LIMD1: variants seen among roughly 807,000 people sequenced by gnomAD.
LIMD1 encodes the protein LIM domain containing 1.
Under a neutral mutation model 58.4 loss-of-function variants are expected in LIMD1, and 23 were observed. The observed-to-expected ratio is 0.39, with a 90% CI of 0.28 to 0.56. The LOEUF is 0.56. LIMD1 is among the 20% of genes least tolerant of loss of function. The pLI, the probability that LIMD1 is intolerant of heterozygous loss-of-function variation, is 0.57. For synonymous variants in LIMD1, 334 were observed against 345.5 expected (o/e 0.97, Z 0.37); for missense variants, 838 against 855.5 (o/e 0.98, Z 0.25).
At chr3:45,599,330 C>CT (rs1451774125) in intron 1 of LIMD1, among the ~76,000 whole-genome samples, 2 of 19,464 alleles carry the variant, frequency 1.0e-4, no homozygotes, top group Non-Finnish European at 7.7e-3. Flanking sequence ...CTCCCTGTTT[C>CT]CCCCATCCCC....
At chr3:45,659,446 G>A (rs1697396336) in intron 2 of LIMD1, among the ~76,000 whole-genome samples, 1 of 152,136 alleles carries the variant, frequency 6.6e-6, no homozygotes, top group African/African-American at 2.4e-5. Flanking sequence ...AAATTAGGCA[G>A]TTGTGGTGGT....
intron 2 of LIMD1, among the ~76,000 whole-genome samples, chr3:45,640,697 T>A (rs1249466689): frequency 6.6e-6 from 1 of 152,234 alleles, no homozygotes; most frequent in Non-Finnish European, 1.5e-5. Flanking sequence ...TCCAAAGTGC[T>A]GAAATTACAA....
chr3:45,601,739 G>C (rs981889974), intron 1 of LIMD1, among the ~76,000 whole-genome samples: 1 of 152,288 alleles, frequency 6.6e-6, no homozygotes, highest in South Asian at 2.1e-4. Flanking sequence ...AAGACCATAT[G>C]GGTACAAGTA....
chr3:45,608,358 T>A (rs1203484896), intron 1 of LIMD1, among the ~76,000 whole-genome samples: 1 of 152,186 alleles, frequency 6.6e-6, no homozygotes. Context: ...GAGAACTTGC[T>A]TCGGACACCT....
intron 2 of LIMD1, among the ~76,000 whole-genome samples, chr3:45,639,613 A>G (rs921493340): frequency 1.3e-5 from 2 of 152,092 alleles, no homozygotes; most frequent in Non-Finnish European, 2.9e-5. Flanking sequence ...CCTCATGAGA[A>G]TCACCTCCCA....
chr3:45,672,943 G>A, intron 5 of LIMD1, 123 bp downstream of exon 5: 1 of 1,204,136 alleles, frequency 8.3e-7, no homozygotes, highest in East Asian at 2.4e-5. Flanking sequence ...TCCAGCAAAG[G>A]CTTAATGGTT....
chr3:45,660,658 C>G (rs145878654), intron 2 of LIMD1, among the ~76,000 whole-genome samples: 3,787 of 152,116 alleles, frequency 0.025, 70 homozygotes, highest in Non-Finnish European at 0.038. Context: ...TCAAGTGGTC[C>G]AACAGCCTCA....
intron 5 of LIMD1, among the ~76,000 whole-genome samples, chr3:45,673,040 A>G (rs1697614355): frequency 6.6e-6 from 1 of 152,056 alleles, no homozygotes; most frequent in South Asian, 2.1e-4. Flanking sequence ...GTGAAAAAAA[A>G]AAAACAACAG....
Position 45,673,748 on chromosome 3 carries a change from T to A in LIMD1, c.1824+243T>A. ...GGGCAACATAGCAAGACCTCATCTC[T>A]ACAAAAAATTGTTAAAAATTGGCCA... On this transcript the variant is annotated intron_variant, in intron 6 of 7. Transcript: ENST00000273317. 3 of 533,814 alleles carry A rather than the reference T, an allele frequency of 5.6e-6. No homozygotes were observed. The South Asian group carries it at 6.8e-5, about 12-fold the overall frequency. 33.1% of individuals were successfully genotyped at this position (533,814 alleles called of 1,614,324 possible). A position where few individuals can be genotyped will look rare whatever the true frequency, so the allele number is the denominator to read the frequency against.
intron 2 of LIMD1, among the ~76,000 whole-genome samples, chr3:45,660,382 CA>C (rs1358237513): frequency 8.8e-5 from 13 of 147,054 alleles, no homozygotes; most frequent in African/African-American, 3.0e-4. Context: ...ACTGGTTGAG[CA>C]AGCTTCTCTT....
At position 45,603,434 on chromosome 3, in the gene LIMD1, T is replaced by TCA. The variant is rs146640577; in HGVS notation, c.1408+7147_1408+7148insCA. ...AGCTCAACAGCTGTGTGCCTCTGTC[T>TCA]GAGTGACTGGCATGACTAGATATGA... On this transcript the variant is annotated intron_variant, in intron 1 of 7. Coordinates refer to ENST00000273317, the MANE Select transcript of LIMD1 (RefSeq NM_014240.3). Among the ~76,000 whole-genome samples the TCA allele has an allele frequency of 7.4e-3, 1,124 of 152,092 alleles. 46 individuals are homozygous for TCA. In the East Asian group the frequency reaches 0.099, roughly 13 times the overall value.
intron 2 of LIMD1, among the ~76,000 whole-genome samples, chr3:45,654,709 G>C (rs13087976): frequency 1.3e-5 from 2 of 149,948 alleles, no homozygotes; most frequent in African/African-American, 4.9e-5. Flanking sequence ...TGGCATCCAC[G>C]TGTGTTCCCA....
chr3:45,596,111 A>G lies in LIMD1; in HGVS notation c.1232A>G (p.Asp411Gly). 1.2e-6 allele frequency: 2 copies of G among 1,614,112 alleles called. No homozygotes were observed. Among genetic ancestry groups the G allele is most frequent in the Non-Finnish European group, 1.7e-6 (2 of 1,180,012 alleles). Residue 411 changes from aspartate (D) to glycine (G), a missense_variant, in exon 1 of 8, where the codon GAT becomes GGT. Asp to Gly is a moderately conservative substitution (Grantham distance 94). Around this residue, in one of 3 missense-constraint regions of LIMD1, gnomAD observed 659 missense variants for 639.8 expected, o/e 1.03. Transcript: ENST00000273317. ...GAGGGTCCCCTGGGCTGGTCTTCTG[A>G]TGGTAGCCTGGGATCTGTGCTCCTG... ...CKEGPLGWSSDGSLGSVLLDS... is the reference protein window; with the variant it reads ...CKEGPLGWSSGGSLGSVLLDS...
At chr3:45,647,697 G>T (rs1250734361) in intron 2 of LIMD1, among the ~76,000 whole-genome samples, 1 of 152,216 alleles carries the variant, frequency 6.6e-6, no homozygotes, top group Non-Finnish European at 1.5e-5. Context: ...CCACTCCACA[G>T]CTCAGAGACC....
At chr3:45,629,509 G>A (rs1272433826) in intron 1 of LIMD1, among the ~76,000 whole-genome samples, 1 of 151,928 alleles carries the variant, frequency 6.6e-6, no homozygotes, top group Non-Finnish European at 1.5e-5. Flanking sequence ...CATGGTCCCT[G>A]GCTAGGGCTC....
At chr3:45,605,934 C>T (rs1701464061) in intron 1 of LIMD1, among the ~76,000 whole-genome samples, 1 of 152,182 alleles carries the variant, frequency 6.6e-6, no homozygotes, top group Admixed American at 6.5e-5. Context: ...GGCCAGTCTC[C>T]CTTCTTTGTC....
chr3:45,650,687 T>C (rs896390688), intron 2 of LIMD1, among the ~76,000 whole-genome samples: 2 of 152,150 alleles, frequency 1.3e-5, no homozygotes, highest in African/African-American at 2.4e-5. Context: ...TATGGCTGCA[T>C]AGTATTCCGT....
chr3:45,627,819 C>T (rs566591002), intron 1 of LIMD1, among the ~76,000 whole-genome samples: 2 of 151,514 alleles, frequency 1.3e-5, no homozygotes, highest in East Asian at 3.9e-4. Context: ...ACCAGCCTGG[C>T]CAACATGGCG....
At chr3:45,596,514 G>T (rs1028226891) in intron 1 of LIMD1, among the ~76,000 whole-genome samples, 5 of 152,210 alleles carry the variant, frequency 3.3e-5, no homozygotes, top group African/African-American at 1.2e-4. Flanking sequence ...TTACCCATGT[G>T]TGAAGGGTGC....
Sources: gnomAD v4.1 joint callset for allele counts (sites outside exome capture counted in the v4.1 genomes callset) on GRCh38, gnomAD v4.1.1 for gene constraint, gnomAD v4.1.1 regional missense constraint, MANE v1.5 for transcripts, NCBI Gene and HGNC (gene_info 2026-07-23, HGNC 2026-07-21) for gene names.